Variants in GRIN3A observed in about 807,000 individuals in gnomAD.
The protein encoded by GRIN3A is glutamate ionotropic receptor NMDA type subunit 3A, also known as glutamate receptor ionotropic, NMDA 3A.
A neutral mutation model predicts 92.4 loss-of-function variants in GRIN3A; 47 were observed. The observed-to-expected ratio is 0.51, with a 90% CI of 0.40 to 0.65. GRIN3A has a LOEUF of 0.65. GRIN3A is among the 30% of genes least tolerant of loss of function. The probability of loss-of-function intolerance (pLI) is 0.00; values close to 1 mark genes in which losing one functional copy is unlikely to be tolerated. For missense variants in GRIN3A, 1,324 were observed against 1,393.1 expected (o/e 0.95, Z 0.79); for synonymous variants, 527 against 540.6 (o/e 0.97, Z 0.35).
intron 2 of GRIN3A, among the ~76,000 whole-genome samples, chr9:101,681,441 G>A (rs956030144): frequency 1.3e-5 from 2 of 152,096 alleles, no homozygotes; most frequent in African/African-American, 2.4e-5. Flanking sequence ...AACTCTGTGT[G>A]GTATGTTATC....
At chr9:101,723,189 G>A (rs1025963193) in intron 1 of GRIN3A, among the ~76,000 whole-genome samples, 9 of 152,294 alleles carry the variant, frequency 5.9e-5, no homozygotes, top group African/African-American at 2.2e-4. Context: ...GGACCCTCGC[G>A]GTGAGTGTTA....
intron 7 of GRIN3A, among the ~76,000 whole-genome samples, chr9:101,578,875 G>T (rs184090211): frequency 6.6e-6 from 1 of 152,230 alleles, no homozygotes; most frequent in East Asian, 1.9e-4. Flanking sequence ...GGCAAGAAAA[G>T]AACCTAGGAA....
At chr9:101,593,037 T>C (rs1828054327) in intron 6 of GRIN3A, 1 of 152,232 alleles carries the variant, frequency 6.6e-6, no homozygotes, top group Non-Finnish European at 1.5e-5. Flanking sequence ...CAGTTCATGC[T>C]CTGAGAACTC....
intron 6 of GRIN3A, among the ~76,000 whole-genome samples, chr9:101,609,515 A>G (rs1307555067): frequency 1.3e-5 from 2 of 152,212 alleles, no homozygotes; most frequent in Non-Finnish European, 2.9e-5. Context: ...CCAGAAATGT[A>G]TGGCTTCAAA....
intron 1 of GRIN3A, among the ~76,000 whole-genome samples, chr9:101,736,632 C>A (rs1405791160): frequency 6.6e-6 from 1 of 152,146 alleles, no homozygotes; most frequent in Non-Finnish European, 1.5e-5. Context: ...CCCCGTCCAT[C>A]TTTACACTTT....
intron 1 of GRIN3A, among the ~76,000 whole-genome samples, chr9:101,697,818 G>A (rs191060214): frequency 2.0e-5 from 3 of 152,180 alleles, no homozygotes; most frequent in African/African-American, 7.2e-5. Flanking sequence ...CTATTATAAA[G>A]GTTAATAATT....
In GRIN3A at chr9:101,737,587, G is replaced by C; in HGVS notation, c.393C>G (p.Ala131=). 1 of 1,614,028 alleles carries C rather than the reference G, an allele frequency of 6.2e-7. No homozygotes were observed. The highest frequency in any genetic ancestry group is 1.1e-5 in the South Asian group (1 of 91,084). ...ALWPRDALLF[A]VDNLNRVEGL... is the part of the protein sequence containing the mutation. ...CTTCCACGCGGTTCAGGTTGTCCACGGCAAATAGGAGGGCGTCCCGTGGCC... is the reference window on the plus strand; with the variant it reads ...CTTCCACGCGGTTCAGGTTGTCCACCGCAAATAGGAGGGCGTCCCGTGGCC... The change falls in exon 1 of 9, where the codon GCC becomes GCG. Residue 131 remains alanine, a synonymous_variant. Transcript: ENST00000361820.
intron 6 of GRIN3A, among the ~76,000 whole-genome samples, chr9:101,581,830 T>C (rs975370035): frequency 1.3e-5 from 2 of 152,234 alleles, no homozygotes; most frequent in South Asian, 4.1e-4. Context: ...TGGAAGCTTT[T>C]GGTCATCATT....
At chr9:101,689,940 A>G (rs1207678741) in intron 1 of GRIN3A, among the ~76,000 whole-genome samples, 1 of 152,194 alleles carries the variant, frequency 6.6e-6, no homozygotes, top group East Asian at 1.9e-4. Context: ...GGCCTGAAAG[A>G]AGATATAAAG....
At chr9:101,736,576 A>C (rs1216167262) in intron 1 of GRIN3A, among the ~76,000 whole-genome samples, 1 of 152,118 alleles carries the variant, frequency 6.6e-6, no homozygotes, top group Non-Finnish European at 1.5e-5. Context: ...AGTCCACATT[A>C]CATAGAAGGA....
At chr9:101,724,057 T>G (rs1830050217) in intron 1 of GRIN3A, among the ~76,000 whole-genome samples, 1 of 152,194 alleles carries the variant, frequency 6.6e-6, no homozygotes, top group South Asian at 2.1e-4. Context: ...CTTCACCCAG[T>G]GGATCCTGCA....
At chr9:101,594,636 A>G (rs761688744) in intron 6 of GRIN3A, 3 of 1,614,160 alleles carry the variant, frequency 1.9e-6, no homozygotes, top group Non-Finnish European at 2.5e-6. Flanking sequence ...TAAATGCTGA[A>G]CGCAAACCTC....
At chr9:101,667,432 G>A (rs1259727998) in intron 3 of GRIN3A, among the ~76,000 whole-genome samples, 1 of 151,870 alleles carries the variant, frequency 6.6e-6, no homozygotes, top group African/African-American at 2.4e-5. Flanking sequence ...TGAGTTGAAG[G>A]TGATCATTCT....
intron 1 of GRIN3A, among the ~76,000 whole-genome samples, chr9:101,714,753 G>A (rs778357872): frequency 2.0e-5 from 3 of 152,068 alleles, no homozygotes; most frequent in Non-Finnish European, 2.9e-5. Flanking sequence ...TCAATTTGAT[G>A]GACCCAAATT....
In GRIN3A at chr9:101,569,602, A is replaced by G. The variant is rs1409750079; in HGVS notation, c.*3572T>C. On this transcript the variant is annotated 3_prime_UTR_variant, in exon 9 of 9. Transcript: ENST00000361820. ...AAATACTTATAAATACATTATTTTCATAAAATGATTAGTAACTAAAAAAAA... is the reference window on the plus strand; with the variant it reads ...AAATACTTATAAATACATTATTTTCGTAAAATGATTAGTAACTAAAAAAAA... The G allele has an allele frequency of 6.6e-6, 1 of 152,222 alleles. No homozygotes were observed. The highest frequency in any genetic ancestry group is 1.9e-4 in the East Asian group (1 of 5,196). The allele number at this position is 152,222 out of a possible 1,614,324, so 9.4% of individuals were successfully genotyped here. A position where few individuals can be genotyped will look rare whatever the true frequency, so the allele number is the denominator to read the frequency against.
At chr9:101,633,701 T>A (rs992843181) in intron 3 of GRIN3A, among the ~76,000 whole-genome samples, 1 of 152,142 alleles carries the variant, frequency 6.6e-6, no homozygotes, top group African/African-American at 2.4e-5. Flanking sequence ...AATCTAATGA[T>A]AAATGTAATA....
chr9:101,643,325 A>G (rs986642249), intron 3 of GRIN3A, among the ~76,000 whole-genome samples: 4 of 152,186 alleles, frequency 2.6e-5, no homozygotes, highest in South Asian at 2.1e-4. Context: ...ATCATCAGGA[A>G]AACGCAAATC....
chr9:101,617,044 CA>C (rs1828466798), intron 5 of GRIN3A, among the ~76,000 whole-genome samples: 1 of 150,198 alleles, frequency 6.7e-6, no homozygotes, highest in Non-Finnish European at 1.5e-5. Flanking sequence ...ACTAAAAATA[CA>C]AAAAATTAGC....
At position 101,643,401 on chromosome 9, in the gene GRIN3A, A is replaced by T. The variant is rs538663251; in HGVS notation, c.2353-15000T>A. Among the ~76,000 whole-genome samples, 36 of 152,232 alleles carry T rather than the reference A, an allele frequency of 2.4e-4. No individual in the cohort carries two copies. The South Asian group carries it at 7.5e-3, about 32-fold the overall frequency. The stretch of plus-strand genomic sequence containing the variant: ...CTATTATCAAAAGTTGAATAATAAC[A>T]AGTGTTTGTGAGGATATGGAGAAAA... On this transcript the variant is annotated intron_variant, in intron 3 of 8. Transcript: ENST00000361820.
Sources: allele counts gnomAD v4.1 joint callset (sites outside exome capture counted in the v4.1 genomes callset), GRCh38; gene constraint gnomAD v4.1.1; transcripts MANE v1.5; gene names NCBI Gene and HGNC (gene_info 2026-07-23, HGNC 2026-07-21).